The following HIGD1A variants were observed in gnomAD, a reference collection of about 807,000 sequenced individuals.
HIGD1A encodes the protein HIG1 domain family member 1A, mitochondrial.
HIGD1A carries 8 observed loss-of-function variants against 11.3 expected under a neutral mutation model. The ratio of observed to expected loss-of-function variants is 0.71; its 90% CI spans 0.42 to 1.28. The LOEUF (loss-of-function observed/expected upper bound fraction) is 1.28, where lower values mean the gene tolerates loss of function less well. Ranked by LOEUF, HIGD1A falls within the 50% of genes most tolerant of loss-of-function variation. HIGD1A has a pLI of 0.01. For synonymous variants in HIGD1A, 32 were observed against 38.4 expected (o/e 0.83, Z 0.62); for missense variants, 107 against 118.8 (o/e 0.90, Z 0.46).
intron 1 of HIGD1A, among the ~76,000 whole-genome samples, chr3:42,795,442 G>A (rs1238922353): frequency 2.0e-5 from 3 of 151,722 alleles, no homozygotes; most frequent in African/African-American, 4.8e-5. Context: ...GGCTGGTCTC[G>A]AACTCCTGAC....
In HIGD1A at chr3:42,794,206, C is replaced by T. The variant is rs1422224763; in HGVS notation, c.48G>A (p.Gln16=). 3 of 1,605,224 alleles carry T rather than the reference C, an allele frequency of 1.9e-6. No homozygotes were observed. The highest frequency in any genetic ancestry group is 2.3e-5 in the East Asian group (1 of 44,318). ...GVSLPSYEED[Q]GSKLIRKAKE... ...TAGCTTTTCGAATGAGTTTTGATCC[C>T]TGATCTTCCTCATATGAAGGAAGGG... Residue 16 remains glutamine (Q), a synonymous_variant, in exon 2 of 4, where the codon CAG becomes CAA. Coordinates refer to ENST00000321331, the MANE Select transcript of HIGD1A (RefSeq NM_014056.4).
chr3:42,785,409 AC>A, intron 3 of HIGD1A, 89 bp from the exon 4 acceptor site: 1 of 987,810 alleles, frequency 1.0e-6, no homozygotes, highest in Middle Eastern at 2.2e-4. Flanking sequence ...TGAAAGTAGC[AC>A]CACTGCTAGC....
chr3:42,795,441 C>G (rs543511124), intron 1 of HIGD1A, among the ~76,000 whole-genome samples: 1 of 151,772 alleles, frequency 6.6e-6, no homozygotes, highest in Non-Finnish European at 1.5e-5. Flanking sequence ...AGGCTGGTCT[C>G]GAACTCCTGA....
intron 1 of HIGD1A, among the ~76,000 whole-genome samples, chr3:42,799,781 C>A (rs1036061054): frequency 6.6e-6 from 1 of 152,102 alleles, no homozygotes; most frequent in Non-Finnish European, 1.5e-5. Flanking sequence ...TAGGTCAGAT[C>A]TCTTTCACTG....
At chr3:42,796,002 C>T (rs1368418618) in intron 1 of HIGD1A, among the ~76,000 whole-genome samples, 1 of 152,234 alleles carries the variant, frequency 6.6e-6, no homozygotes, top group Non-Finnish European at 1.5e-5. Context: ...CCCATCCTAA[C>T]ACCCATATAA....
At chr3:42,786,330 C>G (rs1454874344) in intron 2 of HIGD1A, among the ~76,000 whole-genome samples, 168 bp from the exon 3 acceptor site, 1 of 152,114 alleles carries the variant, frequency 6.6e-6, no homozygotes, top group African/African-American at 2.4e-5. Context: ...AACCAAAAAT[C>G]TTTAAGCAAA....
At position 42,783,556 on chromosome 3, in the gene HIGD1A, C is replaced by T. The variant is rs566340760; in HGVS notation, c.*1715G>A. ...CACGAAGCTAGGAGGTGGAGGGTGCCGTGAGCTCAGATCACACCACTGTAC... is the reference window on the plus strand; with the variant it reads ...CACGAAGCTAGGAGGTGGAGGGTGCTGTGAGCTCAGATCACACCACTGTAC... On this transcript the variant is annotated 3_prime_UTR_variant, in exon 4 of 4. Coordinates refer to ENST00000321331, the MANE Select transcript of HIGD1A (RefSeq NM_014056.4). Among the ~76,000 whole-genome samples, 171 of 152,002 alleles carry T rather than the reference C, an allele frequency of 1.1e-3. No homozygotes were observed. The highest frequency in any genetic ancestry group is 3.7e-3 in the African/African-American group (153 of 41,464).
intron 1 of HIGD1A, among the ~76,000 whole-genome samples, chr3:42,800,340 T>C (rs1023087151): frequency 1.2e-4 from 18 of 148,050 alleles, no homozygotes; most frequent in Middle Eastern, 6.9e-3. Context: ...TTTTAAAAAA[T>C]AAAAGAAAAA....
At chr3:42,794,036 A>G (rs1468357879) in intron 2 of HIGD1A, 121 bp downstream of exon 2, 3 of 957,506 alleles carry the variant, frequency 3.1e-6, no homozygotes, top group South Asian at 1.7e-5. Context: ...TATCATGCCA[A>G]TCTCAGCATA....
rs367800304 is a variant in HIGD1A at position 42,788,957 on chromosome 3, T to G, written c.98-2795A>C. 2.6e-4 allele frequency among the ~76,000 whole-genome samples: 39 copies of G among 151,222 alleles called. 1 individual carries two copies. The South Asian group carries it at 4.8e-3, about 19-fold the overall frequency. On this transcript the variant is annotated intron_variant, in intron 2 of 3. Transcript: ENST00000321331. ...ATTATAAACATAGATATAAAATTCC[T>G]AAACCAAATACTAGCTTATCAACTT... is the stretch of plus-strand genomic sequence containing the variant.
rs1468459466 is a variant in HIGD1A, at chr3:42,799,298, A to T, written c.-22-5023T>A. ...AGAATTATCAATAAAAAAATAAATT[A>T]AAAAAAAAAAAAAAAAAAAAAGAAT... is the stretch of plus-strand genomic sequence containing the variant. On this transcript the variant is annotated intron_variant, in intron 1 of 3. Coordinates refer to ENST00000321331, the MANE Select transcript of HIGD1A (RefSeq NM_014056.4). Among the ~76,000 whole-genome samples, 2 of 115,970 alleles carry T rather than the reference A, an allele frequency of 1.7e-5. 1 individual carries two copies. Among genetic ancestry groups the T allele is most frequent in the African/African-American group, 7.4e-5 (2 of 27,162 alleles). 76.1% of individuals were successfully genotyped at this position (115,970 alleles called of 152,430 possible). A position where few individuals can be genotyped will look rare whatever the true frequency, so the allele number is the denominator to read the frequency against.
Position 42,794,218 on chromosome 3 carries a change from A to G in HIGD1A, c.36T>C (p.Tyr12=). ...TGAGTTTTGATCCCTGATCTTCCTC[A>G]TATGAAGGAAGGGAAACACCTGTGT... ...STDTGVSLPS[Y]EEDQGSKLIR... The change falls in exon 2 of 4, where the codon TAT becomes TAC. Residue 12 remains tyrosine (Y), a synonymous_variant. Coordinates refer to ENST00000321331, the MANE Select transcript of HIGD1A (RefSeq NM_014056.4). 2 of 1,604,874 alleles carry G rather than the reference A, an allele frequency of 1.2e-6. No individual in the cohort carries two copies. Among genetic ancestry groups the G allele is most frequent in the Non-Finnish European group, 1.7e-6 (2 of 1,177,074 alleles).
At position 42,783,249 on chromosome 3, in the gene HIGD1A, T is replaced by C. The variant is rs369942147; in HGVS notation, c.*2022A>G. 2.7e-4 allele frequency among the ~76,000 whole-genome samples: 41 copies of C among 152,308 alleles called. No individual in the cohort carries two copies. In the East Asian group the frequency reaches 5.0e-3, roughly 19 times the overall value. ...GGAAAAGAAAGTGGAAGTTCACTGA[T>C]ACAATAATAGTTGGGCACCAGAGTG... On this transcript the variant is annotated 3_prime_UTR_variant, in exon 4 of 4. Transcript: ENST00000321331.
intron 1 of HIGD1A, among the ~76,000 whole-genome samples, chr3:42,802,531 C>T (rs962750783): frequency 3.3e-5 from 5 of 152,150 alleles, no homozygotes; most frequent in Admixed American, 6.5e-5. Flanking sequence ...ATCTAAAATA[C>T]TCTCTGAATA....
At chr3:42,794,107 T>C in intron 2 of HIGD1A, 50 bp downstream of exon 2, 3 of 1,548,500 alleles carry the variant, frequency 1.9e-6, no homozygotes, top group Non-Finnish European at 2.6e-6. Flanking sequence ...ATGAACAAAT[T>C]ATCACGGCTC....
chr3:42,790,916 A>T (rs1559676247), intron 2 of HIGD1A, among the ~76,000 whole-genome samples: 1 of 151,946 alleles, frequency 6.6e-6, no homozygotes, highest in Non-Finnish European at 1.5e-5. Flanking sequence ...GGCTCAAGTG[A>T]CGCTCCTGCC....
In HIGD1A at chr3:42,786,087, A is replaced by G; in HGVS notation, c.173T>C (p.Ile58Thr). Reference sequence around the variant, plus strand: ...TGCCACACGCATGTGGATCAGATGAATGGACATTTTAGTATTTCCCCTGCT... The same window carrying G: ...TGCCACACGCATGTGGATCAGATGAGTGGACATTTTAGTATTTCCCCTGCT... ...LKSRGNTKMS[I>T]HLIHMRVAAQ... Residue 58 changes from isoleucine (I) to threonine (T), a missense_variant, in exon 3 of 4, where the codon ATT (isoleucine) becomes ACT (threonine). Coordinates refer to ENST00000321331, the MANE Select transcript of HIGD1A (RefSeq NM_014056.4). The G allele has an allele frequency of 6.2e-7, 1 of 1,613,744 alleles. No individual in the cohort carries two copies. Among genetic ancestry groups the G allele is most frequent in the Non-Finnish European group, 8.5e-7 (1 of 1,179,966 alleles).
chr3:42,786,958 C>G (rs1385992151), intron 2 of HIGD1A, among the ~76,000 whole-genome samples: 2 of 151,828 alleles, frequency 1.3e-5, no homozygotes, highest in Admixed American at 6.6e-5. Flanking sequence ...GGTACTGATA[C>G]AAAAACCTAG....
chr3:42,795,778 T>A (rs1253230943), intron 1 of HIGD1A, among the ~76,000 whole-genome samples: 2 of 151,970 alleles, frequency 1.3e-5, no homozygotes, highest in African/African-American at 4.8e-5. Context: ...GCTCCTTTCC[T>A]CCTTTTCAGT....
Sources: allele counts gnomAD v4.1 joint callset (sites outside exome capture counted in the v4.1 genomes callset), GRCh38; gene constraint gnomAD v4.1.1; transcripts MANE v1.5; gene names NCBI Gene and HGNC (gene_info 2026-07-23, HGNC 2026-07-21).